The following RNF145 variants were observed in gnomAD, a reference collection of about 807,000 sequenced individuals.
The protein encoded by RNF145 is ring finger protein 145.
A neutral mutation model predicts 57.3 loss-of-function variants in RNF145; 12 were observed. The ratio of observed to expected loss-of-function variants is 0.21; its 90% CI spans 0.13 to 0.34. The LOEUF is 0.34. Ranked by LOEUF, RNF145 falls within the 10% of genes least tolerant of loss-of-function variation. The probability of loss-of-function intolerance (pLI) is 1.00; values close to 1 mark genes in which losing one functional copy is unlikely to be tolerated. For synonymous variants in RNF145, 262 were observed against 288.3 expected, an observed-to-expected ratio of 0.91 and a Z score of 0.92; for missense variants, 429 against 799.0, an observed-to-expected ratio of 0.54 and a Z score of 5.58.
chr5:159,191,469 A>G (rs1410617022), intron 3 of RNF145, among the ~76,000 whole-genome samples: 2 of 152,288 alleles, frequency 1.3e-5, no homozygotes, highest in East Asian at 3.9e-4. Context: ...ATTTTTGCCT[A>G]CTATAAAATT....
upstream of RNF145, chr5:159,209,586 C>G (rs1786039952): frequency 1.9e-6 from 2 of 1,031,834 alleles, no homozygotes; most frequent in South Asian, 8.9e-5. Flanking sequence ...CACTCTGCGC[C>G]TGCGCGCGGC....
intron 1 of RNF145, among the ~76,000 whole-genome samples, chr5:159,205,606 A>G (rs1208176067): frequency 6.6e-6 from 1 of 152,362 alleles, no homozygotes; most frequent in African/African-American, 2.4e-5. Context: ...TCAAAGTAAT[A>G]TTGAATAGAT....
intron 6 of RNF145, among the ~76,000 whole-genome samples, chr5:159,171,880 C>T (rs1342091509): frequency 6.6e-6 from 1 of 152,040 alleles, no homozygotes; most frequent in Non-Finnish European, 1.5e-5. Context: ...CAAATTACAA[C>T]ATTCTTATCA....
At chr5:159,182,143 C>A in intron 3 of RNF145, 92 bp from the exon 4 acceptor site, 3 of 686,020 alleles carry the variant, frequency 4.4e-6, no homozygotes, top group South Asian at 2.4e-5. Flanking sequence ...TTAATGATAC[C>A]CCTTTCCATA....
intron 4 of RNF145, among the ~76,000 whole-genome samples, chr5:159,181,476 T>C (rs956654257): frequency 6.6e-6 from 1 of 152,146 alleles, no homozygotes; most frequent in African/African-American, 2.4e-5. Context: ...GTCTGGTACT[T>C]CACTTTAAAT....
intron 1 of RNF145, chr5:159,208,172 C>G (rs193261336): frequency 0.02 from 27,282 of 1,382,728 alleles, 358 homozygotes; most frequent in Non-Finnish European, 0.022. Context: ...CTACAGTAAC[C>G]CCAACCCAGC....
At chr5:159,164,598 T>C (rs1273448887) in intron 8 of RNF145, among the ~76,000 whole-genome samples, 2 of 152,136 alleles carry the variant, frequency 1.3e-5, no homozygotes, top group Non-Finnish European at 2.9e-5. Context: ...TATATGTCCT[T>C]ATCTAAATAG....
intron 9 of RNF145, among the ~76,000 whole-genome samples, chr5:159,162,003 C>T (rs569792651): frequency 1.2e-4 from 18 of 152,286 alleles, no homozygotes; most frequent in African/African-American, 4.3e-4. Flanking sequence ...TTCTACAACT[C>T]GCAAAGAAGT....
upstream of RNF145, chr5:159,209,817 A>G (rs1213697813): frequency 1.2e-5 from 19 of 1,532,382 alleles, no homozygotes; most frequent in South Asian, 4.8e-5. Flanking sequence ...TCACTCCCAA[A>G]CACCACGGGC....
chr5:159,209,187 G>C, intron 1 of RNF145, 44 bp downstream of exon 1: 16 of 905,108 alleles, frequency 1.8e-5, no homozygotes, highest in South Asian at 5.1e-5. Flanking sequence ...GAAGCGGCCG[G>C]GGGGCGCGGG....
chr5:159,176,889 ATTTAAT>A (rs770629008), intron 4 of RNF145, 22 bp from the exon 5 acceptor site: 108 of 1,431,306 alleles, frequency 7.5e-5, no homozygotes, highest in Non-Finnish European at 1.0e-4. Context: ...AATAGAATAC[ATTTAAT>A]TTTGAGTATT....
chr5:159,171,394 A>T (rs1380412317), intron 6 of RNF145, among the ~76,000 whole-genome samples: 1 of 152,182 alleles, frequency 6.6e-6, no homozygotes, highest in Non-Finnish European at 1.5e-5. Context: ...CCATATTTAG[A>T]AACATTTTTT....
At chr5:159,171,379 T>G (rs995423436) in intron 6 of RNF145, among the ~76,000 whole-genome samples, 5 of 152,172 alleles carry the variant, frequency 3.3e-5, no homozygotes, top group African/African-American at 1.2e-4. Context: ...TTTACGGACC[T>G]TTCTCCATAT....
At chr5:159,171,487 A>G (rs1289597168) in intron 6 of RNF145, among the ~76,000 whole-genome samples, 1 of 152,114 alleles carries the variant, frequency 6.6e-6, no homozygotes, top group Admixed American at 6.6e-5. Context: ...ATGTGGTGCT[A>G]TTTTTCAAAA....
chr5:159,184,780 A>G (rs1288986776), intron 3 of RNF145, among the ~76,000 whole-genome samples: 3 of 152,054 alleles, frequency 2.0e-5, no homozygotes, highest in African/African-American at 7.2e-5. Context: ...ATCCAACCCT[A>G]TATTTCATTC....
chr5:159,194,901 C>A, intron 2 of RNF145, 77 bp from the exon 3 acceptor site: 1 of 1,055,734 alleles, frequency 9.5e-7, no homozygotes, highest in East Asian at 2.6e-5. Context: ...GAGCTTGAGA[C>A]AAATAATTTT....
intron 4 of RNF145, among the ~76,000 whole-genome samples, chr5:159,177,090 A>T (rs181395663): frequency 2.6e-5 from 4 of 152,202 alleles, no homozygotes; most frequent in Non-Finnish European, 5.9e-5. Flanking sequence ...GCTGATCTGG[A>T]AAGAGCAGCA....
In RNF145 at chr5:159,203,637, T is replaced by C; in HGVS notation, c.-20A>G. On this transcript the variant is annotated 5_prime_UTR_variant, in exon 2 of 11. Coordinates refer to ENST00000424310, the MANE Select transcript of RNF145 (RefSeq NM_001199383.2). ...AGCCATGTTGTTTTTTTTTTTCTTT[T>C]TTTTTTTCTTGGAGAAGACCTAAAA... The C allele has an allele frequency of 6.3e-7, 1 of 1,592,726 alleles. No homozygotes were observed. The highest frequency in any genetic ancestry group is 1.4e-5 in the African/African-American group (1 of 73,236).
chr5:159,185,988 C>T (rs575724596), intron 3 of RNF145, among the ~76,000 whole-genome samples: 1 of 152,276 alleles, frequency 6.6e-6, no homozygotes, highest in South Asian at 2.1e-4. Flanking sequence ...CTTTGGGAGG[C>T]CGAGGCAGAC....
Sources: allele counts gnomAD v4.1 joint callset (sites outside exome capture counted in the v4.1 genomes callset), GRCh38; gene constraint gnomAD v4.1.1; transcripts MANE v1.5; gene names NCBI Gene and HGNC (gene_info 2026-07-23, HGNC 2026-07-21).